Variants in CYRIA observed in about 807,000 individuals in gnomAD.
CYRIA encodes the protein CYFIP-related Rac1 interactor A.
Under a neutral mutation model 43.9 loss-of-function variants are expected in CYRIA, and 15 were observed. The ratio of observed to expected loss-of-function variants is 0.34; its 90% CI spans 0.23 to 0.53. CYRIA has a LOEUF of 0.53. CYRIA is among the 20% of genes least tolerant of loss of function. The pLI, the probability that CYRIA is intolerant of heterozygous loss-of-function variation, is 0.94. For synonymous variants in CYRIA, 117 were observed against 136.0 expected (o/e 0.86, Z 0.97); for missense variants, 236 against 394.2 (o/e 0.60, Z 3.40).
intron 1 of CYRIA, among the ~76,000 whole-genome samples, chr2:16,641,885 C>T (rs1364161794): frequency 6.6e-6 from 1 of 152,148 alleles, no homozygotes; most frequent in Non-Finnish European, 1.5e-5. Context: ...TTTATTAAAC[C>T]CATTAGCAAT....
intron 1 of CYRIA, among the ~76,000 whole-genome samples, chr2:16,635,512 C>T (rs969254988): frequency 7.2e-5 from 11 of 152,296 alleles, no homozygotes; most frequent in Admixed American, 6.5e-5. Context: ...GAAAAGTAAA[C>T]GTGTCTAGTT....
chr2:16,581,886 T>C (rs1667562655), intron 3 of CYRIA, among the ~76,000 whole-genome samples: 2 of 152,214 alleles, frequency 1.3e-5, no homozygotes, highest in Admixed American at 1.3e-4. Flanking sequence ...TATTGATACA[T>C]GTAATGACAT....
chr2:16,578,919 A>AT (rs1365791492), intron 3 of CYRIA, among the ~76,000 whole-genome samples: 1 of 152,112 alleles, frequency 6.6e-6, no homozygotes, highest in Non-Finnish European at 1.5e-5. Flanking sequence ...CAGGAAACTT[A>AT]GAGAACCATA....
rs1236081360 is a variant in CYRIA, at chr2:16,606,558, A to AC, written c.-11+17305_-11+17306insG. Among the ~76,000 whole-genome samples, 3 of 152,036 alleles carry AC rather than the reference A, an allele frequency of 2.0e-5. No individual in the cohort carries two copies. In the East Asian group the frequency reaches 5.8e-4, roughly 29 times the overall value. On this transcript the variant is annotated intron_variant, in intron 2 of 11. Transcript: ENST00000381323. Reference sequence around the variant, plus strand: ...CTTACAATATAACTAAAAAAAAAAAAAAACAAAATGAAAAAGAGGCCTTCT... The same window carrying AC: ...CTTACAATATAACTAAAAAAAAAAAACAAACAAAATGAAAAAGAGGCCTTCT...
intron 2 of CYRIA, among the ~76,000 whole-genome samples, chr2:16,602,044 T>C (rs996280737): frequency 1.3e-5 from 2 of 152,270 alleles, no homozygotes; most frequent in Admixed American, 6.5e-5. Flanking sequence ...TCTTTGGTTA[T>C]GACTATTTGA....
At chr2:16,605,985 G>A (rs542965268) in intron 2 of CYRIA, among the ~76,000 whole-genome samples, 16 of 152,020 alleles carry the variant, frequency 1.1e-4, no homozygotes, top group Non-Finnish European at 2.1e-4. Flanking sequence ...TTAAGTCTTG[G>A]TCTCCATGTT....
intron 3 of CYRIA, among the ~76,000 whole-genome samples, chr2:16,582,682 C>T (rs1265607290): frequency 1.3e-5 from 2 of 152,120 alleles, no homozygotes; most frequent in African/African-American, 2.4e-5. Context: ...TGTCATATCA[C>T]CTATCAGTAC....
intron 2 of CYRIA, among the ~76,000 whole-genome samples, chr2:16,622,378 C>G (rs904301294): frequency 2.0e-5 from 3 of 152,184 alleles, no homozygotes; most frequent in African/African-American, 4.8e-5. Flanking sequence ...AATAAAAAGG[C>G]TGTTAACAGT....
At chr2:16,663,856 G>T (rs1670324778) in intron 1 of CYRIA, among the ~76,000 whole-genome samples, 1 of 152,024 alleles carries the variant, frequency 6.6e-6, no homozygotes, top group South Asian at 2.1e-4. Flanking sequence ...TAGGCAGCTG[G>T]ACTAAGGAAG....
At chr2:16,649,597 C>T (rs1041700556) in intron 1 of CYRIA, among the ~76,000 whole-genome samples, 1 of 151,678 alleles carries the variant, frequency 6.6e-6, no homozygotes, top group South Asian at 2.1e-4. Context: ...GATGGTTGTA[C>T]AGTACAGGGC....
intron 3 of CYRIA, among the ~76,000 whole-genome samples, chr2:16,566,233 C>G (rs1339626567): frequency 2.0e-5 from 3 of 152,138 alleles, no homozygotes; most frequent in Non-Finnish European, 4.4e-5. Context: ...TGATATTAAA[C>G]ACATTCATAA....
intron 1 of CYRIA, among the ~76,000 whole-genome samples, chr2:16,662,781 C>A (rs533995337): frequency 6.6e-6 from 1 of 152,334 alleles, no homozygotes; most frequent in Admixed American, 6.5e-5. Context: ...CACAAATCAC[C>A]TGATTCAACC....
Position 16,550,310 on chromosome 2 carries a change from A to T in CYRIA, c.*2626T>A, listed in dbSNP as rs1219714185. Reference sequence around the variant, plus strand: ...CAAAAACCAAAAACAAAGCCAAAAAAAAAAAAATCCCAAACACAACAATCC... The same window carrying T: ...CAAAAACCAAAAACAAAGCCAAAAATAAAAAAATCCCAAACACAACAATCC... On this transcript the variant is annotated 3_prime_UTR_variant, in exon 12 of 12. Coordinates refer to ENST00000381323, the MANE Select transcript of CYRIA (RefSeq NM_030797.4). 1 of 151,812 alleles carries T rather than the reference A, an allele frequency of 6.6e-6. No homozygotes were observed. Among genetic ancestry groups the T allele is most frequent in the Non-Finnish European group, 1.5e-5 (1 of 67,980 alleles). 9.4% of individuals were successfully genotyped at this position (151,812 alleles called of 1,614,324 possible).
Position 16,635,581 on chromosome 2 carries a change from C to A in CYRIA, c.-166-11562G>T, listed in dbSNP as rs571309240. Among the ~76,000 whole-genome samples the A allele has an allele frequency of 2.4e-4, 36 of 152,304 alleles. No homozygotes were observed. In the South Asian group the frequency reaches 6.0e-3, roughly 25 times the overall value. On this transcript the variant is annotated intron_variant, in intron 1 of 11. Transcript: ENST00000381323. The stretch of plus-strand genomic sequence containing the variant: ...ATACTCCAGTGTGTGTGCATCCCCC[C>A]ACAGTGACACCAGGCAGAAGAATCT...
At chr2:16,583,859 AT>A (rs1257038136) in intron 3 of CYRIA, among the ~76,000 whole-genome samples, 1 of 152,198 alleles carries the variant, frequency 6.6e-6, no homozygotes, top group Non-Finnish European at 1.5e-5. Context: ...AGTATATAGA[AT>A]GCACTGTAAA....
intron 1 of CYRIA, among the ~76,000 whole-genome samples, chr2:16,631,303 G>T (rs886918953): frequency 6.6e-6 from 1 of 152,222 alleles, no homozygotes; most frequent in Non-Finnish European, 1.5e-5. Context: ...AATGAGAAGA[G>T]GTGATGGTTG....
At chr2:16,663,816 C>G (rs1352334326) in intron 1 of CYRIA, among the ~76,000 whole-genome samples, 1 of 152,136 alleles carries the variant, frequency 6.6e-6, no homozygotes. Flanking sequence ...AGTGGAGACA[C>G]CTTCTAAAGA....
intron 1 of CYRIA, among the ~76,000 whole-genome samples, chr2:16,641,512 T>G (rs907519426): frequency 6.6e-6 from 1 of 152,236 alleles, no homozygotes; most frequent in Non-Finnish European, 1.5e-5. Flanking sequence ...AGAAAATTTC[T>G]TTGTCCTCTG....
intron 3 of CYRIA, among the ~76,000 whole-genome samples, chr2:16,580,163 G>A (rs1667502966): frequency 6.6e-6 from 1 of 151,990 alleles, no homozygotes. Flanking sequence ...GCCCAGACTG[G>A]CCTTGAACTC....
Sources: allele counts gnomAD v4.1 joint callset (sites outside exome capture counted in the v4.1 genomes callset), GRCh38; gene constraint gnomAD v4.1.1; transcripts MANE v1.5; gene names NCBI Gene and HGNC (gene_info 2026-07-23, HGNC 2026-07-21).